Variants in FA2H observed in about 807,000 individuals in gnomAD.
The protein encoded by FA2H is fatty acid 2-hydroxylase, also known as fatty acid alpha-hydroxylase.
FA2H carries 22 observed loss-of-function variants against 44.9 expected under a neutral mutation model. The observed-to-expected ratio is 0.49, with a 90% CI of 0.35 to 0.70. The LOEUF (loss-of-function observed/expected upper bound fraction) is 0.70, where lower values mean the gene tolerates loss of function less well. Ranked by LOEUF, FA2H falls within the 30% of genes least tolerant of loss-of-function variation. The probability of loss-of-function intolerance (pLI) is 0.01; values close to 1 mark genes in which losing one functional copy is unlikely to be tolerated. For synonymous variants in FA2H, 243 were observed against 213.2 expected (o/e 1.14, Z -1.22); for missense variants, 501 against 504.9 (o/e 0.99, Z 0.07).
At chr16:74,762,105 T>G (rs191621907) in intron 1 of FA2H, among the ~76,000 whole-genome samples, 334 of 151,878 alleles carry the variant, frequency 2.2e-3, no homozygotes, top group African/African-American at 7.4e-3. Context: ...TGCAGTGGCG[T>G]GATCTCGGCT....
intron 1 of FA2H, among the ~76,000 whole-genome samples, chr16:74,772,732 A>G (rs1962932246): frequency 6.6e-6 from 1 of 152,224 alleles, no homozygotes; most frequent in South Asian, 2.1e-4. Context: ...CCATGGTTTC[A>G]GTAACCCACG....
chr16:74,761,816 T>A lies in FA2H; in HGVS notation c.270+12670A>T, dbSNP rs141864293. Among the ~76,000 whole-genome samples the A allele has an allele frequency of 1.5e-3, 226 of 152,204 alleles. 1 individual carries two copies. The highest frequency in any genetic ancestry group is 5.0e-3 in the African/African-American group (206 of 41,534). The stretch of plus-strand genomic sequence containing the variant: ...AAAAAAAATAGAAAACTTCATGAAG[T>A]CACTGAAAGCAGTGGAGAACTGTTT... On this transcript the variant is annotated intron_variant, in intron 1 of 6. Transcript: ENST00000219368.
chr16:74,716,581 G>T lies in FA2H; in HGVS notation c.805C>A (p.Arg269Ser). 2 of 1,574,632 alleles carry T rather than the reference G, an allele frequency of 1.3e-6. No individual in the cohort carries two copies. Among genetic ancestry groups the T allele is most frequent in the East Asian group, 2.3e-5 (1 of 42,692 alleles). Reference protein sequence around the residue: ...QHHKAPFDGSRLVFPPVPASL... With the variant: ...QHHKAPFDGSSLVFPPVPASL... ...GCTGGCACAGGGGGGAAGACCAGGC[G>T]GGAGCCGTCGAAGGGTGCCTGCAGA... The change falls in exon 6 of 7, where the codon CGC (arginine) becomes AGC (serine). Residue 269 changes from arginine (R) to serine (S), a missense_variant. Physicochemically the swap from Arg to Ser is moderately radical, Grantham distance 110. Transcript: ENST00000219368.
Position 74,753,954 on chromosome 16 carries a change from T to C in FA2H, c.271-13839A>G, listed in dbSNP as rs76577716. Reference sequence around the variant, plus strand: ...TTAGTTACACACGGATTTTTTTCACTCAAGTGAAGCATCAAACTTTTCACA... The same window carrying C: ...TTAGTTACACACGGATTTTTTTCACCCAAGTGAAGCATCAAACTTTTCACA... On this transcript the variant is annotated intron_variant, in intron 1 of 6. Coordinates refer to ENST00000219368, the MANE Select transcript of FA2H (RefSeq NM_024306.5). Among the ~76,000 whole-genome samples the C allele has an allele frequency of 6.6e-3, 1,000 of 152,372 alleles. 13 individuals carry two copies. The highest frequency in any genetic ancestry group is 0.023 in the African/African-American group (965 of 41,592).
At chr16:74,758,117 C>CTTTTTTTTTTTT (rs71378706) in intron 1 of FA2H, among the ~76,000 whole-genome samples, 1 of 113,576 alleles carries the variant, frequency 8.8e-6, no homozygotes, top group Non-Finnish European at 1.7e-5. Context: ...GGAAACAATT[C>CTTTTTTTTTTTT]TTTTTTTTTT....
intron 4 of FA2H, among the ~76,000 whole-genome samples, chr16:74,721,328 C>G (rs544721053): frequency 6.6e-6 from 1 of 152,076 alleles, no homozygotes; most frequent in Non-Finnish European, 1.5e-5. Context: ...CCACCATGCC[C>G]AACTAATTTT....
rs189315221 is a variant in FA2H at position 74,755,568 on chromosome 16, A to C, written c.271-15453T>G. 7.0e-3 allele frequency among the ~76,000 whole-genome samples: 1,061 copies of C among 152,222 alleles called. 10 individuals carry two copies. Among genetic ancestry groups the C allele is most frequent in the African/African-American group, 0.024 (1,014 of 41,536 alleles). ...GTGCTGTTATTTTATTTTTCTACTCATTCTTTAAGAACACGTCTGTGAATG... is the reference window on the plus strand; with the variant it reads ...GTGCTGTTATTTTATTTTTCTACTCCTTCTTTAAGAACACGTCTGTGAATG... On this transcript the variant is annotated intron_variant, in intron 1 of 6. Coordinates refer to ENST00000219368, the MANE Select transcript of FA2H (RefSeq NM_024306.5).
chr16:74,757,376 TCA>T (rs1962629794), intron 1 of FA2H, among the ~76,000 whole-genome samples: 1 of 152,224 alleles, frequency 6.6e-6, no homozygotes, highest in African/African-American at 2.4e-5. Context: ...ACAGGCATTC[TCA>T]CACGTTTTTG....
Position 74,715,776 on chromosome 16 carries a change from T to G in FA2H, c.1039+571A>C, listed in dbSNP as rs1053919527. 3.9e-5 allele frequency among the ~76,000 whole-genome samples: 6 copies of G among 152,216 alleles called. No homozygotes were observed. In the South Asian group the frequency reaches 6.2e-4, roughly 16 times the overall value. On this transcript the variant is annotated intron_variant, in intron 6 of 6. Transcript: ENST00000219368. ...ATCGCTGGACCCTCCCCCACCTATG[T>G]GATATTCCATCACCTTGCTTTACTT...
intron 1 of FA2H, among the ~76,000 whole-genome samples, chr16:74,757,920 A>G (rs1871641699): frequency 6.6e-6 from 1 of 151,946 alleles, no homozygotes; most frequent in Admixed American, 6.6e-5. Context: ...TTGGGAGGCT[A>G]AGGTGGGAGG....
chr16:74,722,911 C>CA (rs554074212), intron 4 of FA2H, among the ~76,000 whole-genome samples: 1,820 of 112,044 alleles, frequency 0.016, 36 homozygotes, highest in African/African-American at 0.053. Flanking sequence ...AACTCCATCT[C>CA]AAAAAAAAAA....
intron 2 of FA2H, among the ~76,000 whole-genome samples, chr16:74,739,272 A>G (rs1355980739): frequency 6.6e-6 from 1 of 152,118 alleles, no homozygotes; most frequent in South Asian, 2.1e-4. Flanking sequence ...CATGCAGGGT[A>G]GGGGTTTATG....
At chr16:74,766,333 C>T (rs1962808122) in intron 1 of FA2H, among the ~76,000 whole-genome samples, 2 of 151,452 alleles carry the variant, frequency 1.3e-5, no homozygotes, top group South Asian at 4.2e-4. Context: ...GTTATGAATG[C>T]TGTAAGATAG....
At chr16:74,770,358 A>G (rs1199283801) in intron 1 of FA2H, among the ~76,000 whole-genome samples, 1 of 151,868 alleles carries the variant, frequency 6.6e-6, no homozygotes. Flanking sequence ...TCCTTTGACA[A>G]CCTCTCCCAC....
At chr16:74,738,390 G>A (rs971985854) in intron 2 of FA2H, among the ~76,000 whole-genome samples, 1 of 152,148 alleles carries the variant, frequency 6.6e-6, no homozygotes, top group Non-Finnish European at 1.5e-5. Context: ...CTTGCCTCCT[G>A]CAGTGATGGG....
intron 2 of FA2H, among the ~76,000 whole-genome samples, chr16:74,738,511 C>T (rs1487048023): frequency 1.3e-5 from 2 of 152,194 alleles, no homozygotes; most frequent in African/African-American, 4.8e-5. Flanking sequence ...CCCAGCTCCT[C>T]CCTCCAGGAC....
At chr16:74,755,361 G>T (rs186026100) in intron 1 of FA2H, among the ~76,000 whole-genome samples, 1 of 152,018 alleles carries the variant, frequency 6.6e-6, no homozygotes, top group Admixed American at 6.5e-5. Flanking sequence ...TGTATTTTTA[G>T]TAGAGACGGG....
rs183156342 is a variant in FA2H, at chr16:74,756,734, T to A, written c.271-16619A>T. 5.5e-3 allele frequency among the ~76,000 whole-genome samples: 839 copies of A among 152,190 alleles called. 8 individuals are homozygous for A. The highest frequency in any genetic ancestry group is 0.018 in the African/African-American group (737 of 41,530). ...TGATATGTGAAAAGAGTAGGTTTTT[T>A]AAAAAAAATCAGTGGAAAAAGATAG... On this transcript the variant is annotated intron_variant, in intron 1 of 6. Coordinates refer to ENST00000219368, the MANE Select transcript of FA2H (RefSeq NM_024306.5).
At chr16:74,738,742 C>T (rs779611904) in intron 2 of FA2H, among the ~76,000 whole-genome samples, 5 of 151,018 alleles carry the variant, frequency 3.3e-5, no homozygotes, top group Non-Finnish European at 7.4e-5. Flanking sequence ...CATTCCCCTC[C>T]GATCTCCCCC....
Sources: allele counts gnomAD v4.1 joint callset (sites outside exome capture counted in the v4.1 genomes callset), GRCh38; gene constraint gnomAD v4.1.1; transcripts MANE v1.5; gene names NCBI Gene and HGNC (gene_info 2026-07-23, HGNC 2026-07-21).